VPS41: variants seen among roughly 807,000 people sequenced by gnomAD.
VPS41 encodes the protein VPS41 subunit of HOPS complex, also known as vacuolar protein sorting-associated protein 41 homolog.
VPS41 carries 85 observed loss-of-function variants against 130.9 expected under a neutral mutation model. The observed-to-expected ratio is 0.65, with a 90% CI of 0.55 to 0.78. The LOEUF is 0.78. Among genes scored for constraint, VPS41 ranks in the 30% least tolerant of loss-of-function variants. The pLI is 0.00. For synonymous variants in VPS41, 335 were observed against 332.9 expected, an observed-to-expected ratio of 1.01 and a Z score of -0.07; for missense variants, 874 against 1,018.7, an observed-to-expected ratio of 0.86 and a Z score of 1.93.
intron 1 of VPS41, among the ~76,000 whole-genome samples, chr7:38,906,006 G>A (rs550749681): frequency 4.6e-5 from 7 of 151,880 alleles, no homozygotes; most frequent in South Asian, 2.1e-4. Flanking sequence ...ATGTTGGCCC[G>A]TCTGGTCTCG....
At chr7:38,835,384 TTTTGA>T (rs1785472396) in intron 4 of VPS41, among the ~76,000 whole-genome samples, 2 of 151,990 alleles carry the variant, frequency 1.3e-5, no homozygotes, top group Non-Finnish European at 2.9e-5. Context: ...AATAAAATGC[TTTTGA>T]TTTATCATTG....
chr7:38,895,330 T>A (rs28668059), intron 2 of VPS41, among the ~76,000 whole-genome samples: 1 of 151,700 alleles, frequency 6.6e-6, no homozygotes, highest in African/African-American at 2.4e-5. Context: ...TAAAAAAAAA[T>A]AAAAATAAAA....
chr7:38,728,576 G>A lies in VPS41; in HGVS notation c.2370C>T (p.Ile790=). ...GAATAGGGGAAAGGCACGACTCACA[G>A]ATGTTCTCCTCTGTAAGAAAACACA... ...MKGVLVDEEN[I]CESCLSPILP... Residue 790 remains isoleucine (I), a synonymous_variant, in exon 27 of 29, where the codon ATC becomes ATT. Transcript: ENST00000310301. 1 of 1,614,152 alleles carries A rather than the reference G, an allele frequency of 6.2e-7. No individual in the cohort carries two copies. The highest frequency in any genetic ancestry group is 8.5e-7 in the Non-Finnish European group (1 of 1,180,018).
chr7:38,791,847 A>AG (rs1204267797), intron 9 of VPS41, among the ~76,000 whole-genome samples: 3 of 152,098 alleles, frequency 2.0e-5, no homozygotes, highest in East Asian at 1.9e-4. Context: ...GGATAGGTTT[A>AG]GGGGGGGTAA....
intron 3 of VPS41, among the ~76,000 whole-genome samples, chr7:38,863,028 C>T (rs992634417): frequency 1.3e-5 from 2 of 152,320 alleles, no homozygotes; most frequent in South Asian, 2.1e-4. Flanking sequence ...TCAGTGCTAT[C>T]GCTTAAGCTG....
intron 23 of VPS41, among the ~76,000 whole-genome samples, 199 bp downstream of exon 23, chr7:38,745,360 G>A (rs1584370221): frequency 6.6e-6 from 1 of 152,136 alleles, no homozygotes; most frequent in Admixed American, 6.5e-5. Context: ...TTGCCAATAT[G>A]TTATTTCAAC....
At chr7:38,901,048 C>A (rs554983759) in intron 1 of VPS41, among the ~76,000 whole-genome samples, 1 of 152,280 alleles carries the variant, frequency 6.6e-6, no homozygotes, top group Non-Finnish European at 1.5e-5. Context: ...TTTAGCTTCA[C>A]ACTCTCATTT....
At chr7:38,787,796 T>C (rs1198982595) in intron 10 of VPS41, among the ~76,000 whole-genome samples, 3 of 152,206 alleles carry the variant, frequency 2.0e-5, no homozygotes, top group African/African-American at 7.2e-5. Context: ...AGGACTCTTA[T>C]CCAAACTATT....
At chr7:38,743,627 TTACA>T in intron 23 of VPS41, 85 bp from the exon 24 acceptor site, 1 of 1,492,386 alleles carries the variant, frequency 6.7e-7, no homozygotes, top group Non-Finnish European at 9.1e-7. Flanking sequence ...CTTAATTTGT[TTACA>T]TAGGTGGAAA....
At chr7:38,739,574 T>C (rs1471921358) in intron 25 of VPS41, among the ~76,000 whole-genome samples, 1 of 152,212 alleles carries the variant, frequency 6.6e-6, no homozygotes, top group Non-Finnish European at 1.5e-5. Context: ...ACTCTTTATC[T>C]GTGAGGGAAA....
intron 25 of VPS41, among the ~76,000 whole-genome samples, chr7:38,734,499 G>T: frequency 6.6e-6 from 1 of 152,038 alleles, no homozygotes; most frequent in East Asian, 1.9e-4. Context: ...TTTACAACAC[G>T]ACTGTTGAAA....
At chr7:38,774,275 T>G (rs1246978763) in intron 11 of VPS41, 31 bp from the exon 12 acceptor site, 1 of 1,550,116 alleles carries the variant, frequency 6.5e-7, no homozygotes, top group Non-Finnish European at 8.7e-7. Flanking sequence ...AACATTAATT[T>G]AAATTACATT....
At chr7:38,745,519 T>G (rs1424245166) in intron 23 of VPS41, 40 bp downstream of exon 23, 1 of 1,520,504 alleles carries the variant, frequency 6.6e-7, no homozygotes, top group African/African-American at 1.4e-5. Flanking sequence ...TCATCCCATT[T>G]CTTAGTTTAT....
intron 4 of VPS41, among the ~76,000 whole-genome samples, chr7:38,839,491 C>T (rs376139895): frequency 2.0e-5 from 3 of 151,566 alleles, no homozygotes; most frequent in East Asian, 1.9e-4. Context: ...GGTGTGATCT[C>T]GGCTCACTGC....
chr7:38,803,702 T>A (rs1198655789), intron 7 of VPS41, among the ~76,000 whole-genome samples: 1 of 151,962 alleles, frequency 6.6e-6, no homozygotes, highest in Non-Finnish European at 1.5e-5. Context: ...AGAAGGCAAG[T>A]GAGAAAAATA....
At chr7:38,858,395 C>A (rs1307387494) in intron 4 of VPS41, among the ~76,000 whole-genome samples, 1 of 152,096 alleles carries the variant, frequency 6.6e-6, no homozygotes, top group Non-Finnish European at 1.5e-5. Context: ...ATGTTAATGC[C>A]GGTCAGTTGT....
intron 25 of VPS41, among the ~76,000 whole-genome samples, chr7:38,737,053 G>A (rs1017428720): frequency 6.6e-6 from 1 of 152,104 alleles, no homozygotes; most frequent in South Asian, 2.1e-4. Context: ...TTGGTAGCTG[G>A]GGAGAGAATT....
Position 38,726,167 on chromosome 7 carries a change from A to G in VPS41, c.*79T>C. ...CATAAACAAATCTCTTAACAGCACG[A>G]GTGTCAACAAATGCTTTTGTTGTTG... On this transcript the variant is annotated 3_prime_UTR_variant, in exon 29 of 29. Coordinates refer to ENST00000310301, the MANE Select transcript of VPS41 (RefSeq NM_014396.4). 1 of 909,592 alleles carries G rather than the reference A, an allele frequency of 1.1e-6. No homozygotes were observed. The highest frequency in any genetic ancestry group is 1.8e-6 in the Non-Finnish European group (1 of 544,110). 56.3% of individuals were successfully genotyped at this position (909,592 alleles called of 1,614,324 possible).
At chr7:38,780,967 C>T (rs1784345658) in intron 10 of VPS41, among the ~76,000 whole-genome samples, 2 of 152,178 alleles carry the variant, frequency 1.3e-5, no homozygotes, top group South Asian at 4.1e-4. Flanking sequence ...GGTGCCTTCT[C>T]CCACTTCGTC....
Sources: allele counts gnomAD v4.1 joint callset (sites outside exome capture counted in the v4.1 genomes callset), GRCh38; gene constraint gnomAD v4.1.1; transcripts MANE v1.5; gene names NCBI Gene and HGNC (gene_info 2026-07-23, HGNC 2026-07-21).